The following MLLT3 variants were observed in gnomAD, a reference collection of about 807,000 sequenced individuals.
The protein encoded by MLLT3 is MLLT3 super elongation complex subunit.
MLLT3 carries 4 observed loss-of-function variants against 53.2 expected under a neutral mutation model. The ratio of observed to expected loss-of-function variants is 0.08; its 90% CI spans 0.04 to 0.17. The LOEUF (loss-of-function observed/expected upper bound fraction) is 0.17. MLLT3 is among the 10% of genes least tolerant of loss of function. The pLI, the probability that MLLT3 is intolerant of heterozygous loss-of-function variation, is 1.00. For synonymous variants in MLLT3, 283 were observed against 230.6 expected, an observed-to-expected ratio of 1.23 and a Z score of -2.06; for missense variants, 569 against 684.0, an observed-to-expected ratio of 0.83 and a Z score of 1.87.
intron 5 of MLLT3, among the ~76,000 whole-genome samples, chr9:20,389,395 G>A (rs1173903588): frequency 2.0e-5 from 3 of 152,170 alleles, no homozygotes; most frequent in African/African-American, 7.2e-5. Context: ...AGAGTTGATA[G>A]CTAAAGGGTA....
At chr9:20,603,888 T>A (rs984981438) in intron 2 of MLLT3, among the ~76,000 whole-genome samples, 3 of 152,116 alleles carry the variant, frequency 2.0e-5, no homozygotes, top group East Asian at 3.8e-4. Flanking sequence ...AAATTTATCT[T>A]GAGAGTCTTG....
intron 4 of MLLT3, among the ~76,000 whole-genome samples, chr9:20,426,415 T>C (rs992469158): frequency 9.2e-5 from 14 of 152,100 alleles, no homozygotes; most frequent in Non-Finnish European, 1.3e-4. Context: ...TAACAGAGAA[T>C]AGCCAATCTT....
intron 4 of MLLT3, among the ~76,000 whole-genome samples, chr9:20,446,892 T>C (rs1010192858): frequency 1.3e-5 from 2 of 152,206 alleles, no homozygotes; most frequent in Non-Finnish European, 2.9e-5. Context: ...ATACTCTAAG[T>C]GGCATTTCAT....
At chr9:20,363,434 T>TGAC in intron 7 of MLLT3, 42 bp downstream of exon 7, 1 of 1,609,696 alleles carries the variant, frequency 6.2e-7, no homozygotes, top group Non-Finnish European at 8.5e-7. Context: ...TGAAAGAGTC[T>TGAC]GACTTCATCA....
chr9:20,401,325 T>A (rs1326525734), intron 5 of MLLT3, among the ~76,000 whole-genome samples: 1 of 152,174 alleles, frequency 6.6e-6, no homozygotes, highest in Non-Finnish European at 1.5e-5. Context: ...TAAAAATAGA[T>A]GGAATATATA....
intron 2 of MLLT3, among the ~76,000 whole-genome samples, chr9:20,472,651 C>T (rs567680150): frequency 6.6e-6 from 1 of 152,158 alleles, no homozygotes; most frequent in South Asian, 2.1e-4. Context: ...TAAGCCCCTG[C>T]ATGTTTTTGA....
intron 5 of MLLT3, among the ~76,000 whole-genome samples, chr9:20,375,178 A>G (rs1821726920): frequency 6.6e-6 from 1 of 152,250 alleles, no homozygotes; most frequent in South Asian, 2.1e-4. Context: ...CTAAGATAGC[A>G]GGGTGCATTT....
chr9:20,361,459 CAT>C (rs913490093), intron 7 of MLLT3, among the ~76,000 whole-genome samples: 18 of 152,180 alleles, frequency 1.2e-4, no homozygotes, highest in Non-Finnish European at 2.2e-4. Flanking sequence ...AAGGATTGAA[CAT>C]GTGGAGCCCG....
chr9:20,361,668 C>T (rs1235459238), intron 7 of MLLT3, among the ~76,000 whole-genome samples: 1 of 152,162 alleles, frequency 6.6e-6, no homozygotes, highest in Non-Finnish European at 1.5e-5. Context: ...ACACCACCTC[C>T]TCCCCATTTT....
intron 2 of MLLT3, among the ~76,000 whole-genome samples, chr9:20,495,560 A>C (rs1349169468): frequency 1.3e-5 from 2 of 152,178 alleles, no homozygotes; most frequent in African/African-American, 4.8e-5. Context: ...AGATTTAGAA[A>C]ACGTGTGTGG....
At chr9:20,416,223 A>G (rs1822867884) in intron 4 of MLLT3, among the ~76,000 whole-genome samples, 1 of 152,068 alleles carries the variant, frequency 6.6e-6, no homozygotes, top group Admixed American at 6.5e-5. Flanking sequence ...GTTTTTTTCA[A>G]TAGGCTTGTT....
intron 5 of MLLT3, among the ~76,000 whole-genome samples, chr9:20,393,813 A>C (rs1822251855): frequency 6.6e-6 from 1 of 152,208 alleles, no homozygotes; most frequent in East Asian, 1.9e-4. Flanking sequence ...TTTTAAGAGC[A>C]TAGAAAACTA....
chr9:20,417,875 TGGC>T (rs1416907028), intron 4 of MLLT3, among the ~76,000 whole-genome samples: 1 of 152,196 alleles, frequency 6.6e-6, no homozygotes, highest in African/African-American at 2.4e-5. Context: ...TGATTATATG[TGGC>T]TTTCAGTTTC....
In MLLT3 at chr9:20,620,015, G is replaced by C. The variant is rs948331626; in HGVS notation, c.193+639C>G. Among the ~76,000 whole-genome samples, 5 of 152,128 alleles carry C rather than the reference G, an allele frequency of 3.3e-5. No homozygotes were observed. Among genetic ancestry groups the C allele is most frequent in the African/African-American group, 9.7e-5 (4 of 41,440 alleles). ...AAAGGAGCAGTCAAGTGGCACGCGG[G>C]GGTGGGAGGGAGGAACGAGTAAGCC... On this transcript the variant is annotated intron_variant, in intron 2 of 10. Transcript: ENST00000380338. This position sits in a 1 kb window ranked among gnomAD's most constrained non-coding sequence, Gnocchi z 6.1.
At chr9:20,438,390 TAG>T (rs1234334100) in intron 4 of MLLT3, among the ~76,000 whole-genome samples, 1 of 152,066 alleles carries the variant, frequency 6.6e-6, no homozygotes, top group Non-Finnish European at 1.5e-5. Flanking sequence ...TGGGGTGTTA[TAG>T]AGTGGGGAGA....
At chr9:20,458,945 C>T (rs995308183) in intron 2 of MLLT3, among the ~76,000 whole-genome samples, 2 of 152,080 alleles carry the variant, frequency 1.3e-5, no homozygotes, top group African/African-American at 4.8e-5. Context: ...ATGCAGCAAG[C>T]AAGAGCCCTA....
At chr9:20,424,129 T>C (rs530460020) in intron 4 of MLLT3, among the ~76,000 whole-genome samples, 1 of 152,306 alleles carries the variant, frequency 6.6e-6, no homozygotes, top group South Asian at 2.1e-4. Context: ...TGAGGATTCA[T>C]AGATTTTGGC....
At chr9:20,401,461 A>T (rs1400622804) in intron 5 of MLLT3, among the ~76,000 whole-genome samples, 2 of 152,184 alleles carry the variant, frequency 1.3e-5, no homozygotes, top group African/African-American at 4.8e-5. Flanking sequence ...TCATTAAATG[A>T]GAAACCCAGT....
intron 2 of MLLT3, among the ~76,000 whole-genome samples, chr9:20,578,487 G>C (rs1278968152): frequency 6.6e-6 from 1 of 151,704 alleles, no homozygotes; most frequent in Non-Finnish European, 1.5e-5. Flanking sequence ...AGACCAGCCT[G>C]GTCAACACAG....
Sources: gnomAD v4.1 joint callset for allele counts (sites outside exome capture counted in the v4.1 genomes callset) on GRCh38, gnomAD v4.1.1 for gene constraint, Gnocchi (gnomAD v3.1) non-coding constraint, MANE v1.5 for transcripts, NCBI Gene and HGNC (gene_info 2026-07-23, HGNC 2026-07-21) for gene names.